The following MAD1L1 variants were observed in gnomAD, a reference collection of about 807,000 sequenced individuals.
MAD1L1 encodes the protein mitotic spindle assembly checkpoint protein MAD1.
A neutral mutation model predicts 96.9 loss-of-function variants in MAD1L1; 95 were observed. The observed-to-expected ratio is 0.98, with a 90% CI of 0.83 to 1.16. MAD1L1 has a LOEUF of 1.16. MAD1L1 is among the 50% of genes most tolerant of loss of function. MAD1L1 has a pLI of 0.00. For missense variants in MAD1L1, 1,007 were observed against 954.4 expected, an observed-to-expected ratio of 1.06 and a Z score of -0.73; for synonymous variants, 473 against 396.6, an observed-to-expected ratio of 1.19 and a Z score of -2.29.
intron 12 of MAD1L1, among the ~76,000 whole-genome samples, chr7:2,025,911 C>T (rs1782976855): frequency 1.3e-5 from 2 of 151,966 alleles, no homozygotes; most frequent in South Asian, 2.1e-4. Flanking sequence ...ATTTATTCTA[C>T]GATTAAGATG....
intron 12 of MAD1L1, among the ~76,000 whole-genome samples, chr7:2,022,037 C>T (rs1052865723): frequency 7.9e-5 from 12 of 152,118 alleles, no homozygotes; most frequent in Non-Finnish European, 1.2e-4. Context: ...CTCACTGCAA[C>T]CTCTACCTCT....
intron 12 of MAD1L1, among the ~76,000 whole-genome samples, chr7:2,021,832 G>A (rs1562615029): frequency 6.6e-6 from 1 of 152,128 alleles, no homozygotes; most frequent in Non-Finnish European, 1.5e-5. Flanking sequence ...GTCATTGGCA[G>A]CCCTGGCCCC....
chr7:2,139,180 C>T (rs1032057221), intron 11 of MAD1L1, among the ~76,000 whole-genome samples: 2 of 152,122 alleles, frequency 1.3e-5, no homozygotes, highest in African/African-American at 4.8e-5. Flanking sequence ...CCCCAGGAAG[C>T]ACCCCACACC....
intron 10 of MAD1L1, among the ~76,000 whole-genome samples, chr7:2,172,813 C>A (rs1584480542): frequency 6.6e-6 from 1 of 152,336 alleles, no homozygotes; most frequent in East Asian, 1.9e-4. Context: ...GCTGGAGCCC[C>A]AGATGGGCTC....
intron 14 of MAD1L1, among the ~76,000 whole-genome samples, chr7:1,987,118 A>C (rs974746089): frequency 1.3e-5 from 2 of 151,908 alleles, no homozygotes; most frequent in African/African-American, 4.8e-5. Flanking sequence ...CCTTCCCCAC[A>C]ATCTGTCCTG....
chr7:2,060,937 G>GA (rs1182292855), intron 12 of MAD1L1, among the ~76,000 whole-genome samples: 1 of 152,126 alleles, frequency 6.6e-6, no homozygotes, highest in Non-Finnish European at 1.5e-5. Flanking sequence ...TTCCGAGAGT[G>GA]AAAAAGCAAA....
chr7:2,069,426 A>G (rs1785025290), intron 11 of MAD1L1, 88 bp from the exon 12 acceptor site: 2 of 1,318,352 alleles, frequency 1.5e-6, no homozygotes, highest in Admixed American at 3.0e-5. Context: ...CGAGCCCACC[A>G]GGACATCCTA....
chr7:1,883,983 C>T (rs1350928230), intron 18 of MAD1L1, among the ~76,000 whole-genome samples: 1 of 152,188 alleles, frequency 6.6e-6, no homozygotes, highest in African/African-American at 2.4e-5. Context: ...GAACCGCAGG[C>T]CCCGCGCTGC....
intron 18 of MAD1L1, among the ~76,000 whole-genome samples, chr7:1,865,014 C>T (rs766965514): frequency 6.6e-6 from 1 of 152,216 alleles, no homozygotes; most frequent in East Asian, 1.9e-4. Flanking sequence ...ACCTACCACG[C>T]CCGCAGCTCA....
intron 11 of MAD1L1, among the ~76,000 whole-genome samples, chr7:2,072,037 G>A (rs892814597): frequency 1.3e-5 from 2 of 152,230 alleles, no homozygotes; most frequent in Admixed American, 1.3e-4. Flanking sequence ...AGACACTCCA[G>A]CAAATTTATC....
intron 18 of MAD1L1, among the ~76,000 whole-genome samples, chr7:1,862,707 C>T (rs954568954): frequency 3.3e-5 from 5 of 152,234 alleles, no homozygotes; most frequent in Admixed American, 1.3e-4. Context: ...TTTAACCCAA[C>T]TTTCCTTATT....
chr7:2,080,175 T>A (rs1477960711), intron 11 of MAD1L1, among the ~76,000 whole-genome samples: 1 of 152,218 alleles, frequency 6.6e-6, no homozygotes. Context: ...CCTATGGTTG[T>A]AAGGAAAGTT....
At chr7:1,864,258 A>G (rs1293344944) in intron 18 of MAD1L1, among the ~76,000 whole-genome samples, 1 of 152,080 alleles carries the variant, frequency 6.6e-6, no homozygotes, top group Non-Finnish European at 1.5e-5. Flanking sequence ...TGAACACCTG[A>G]AGGAGGAGGG....
chr7:1,894,746 A>C (rs915433534), intron 18 of MAD1L1, among the ~76,000 whole-genome samples: 1 of 151,816 alleles, frequency 6.6e-6, no homozygotes, highest in African/African-American at 2.4e-5. Flanking sequence ...AGCTGCTAGC[A>C]GGGCACATCA....
At chr7:2,064,901 C>A (rs1784815862) in intron 12 of MAD1L1, among the ~76,000 whole-genome samples, 1 of 152,104 alleles carries the variant, frequency 6.6e-6, no homozygotes, top group Non-Finnish European at 1.5e-5. Flanking sequence ...ACGGTGGCTG[C>A]TCATGGGAGG....
chr7:2,222,811 A>G, intron 4 of MAD1L1, 57 bp from the exon 5 acceptor site: 3 of 1,392,928 alleles, frequency 2.2e-6, no homozygotes, highest in Non-Finnish European at 2.9e-6. Context: ...GTCAGCGGGG[A>G]GCCCTCACCC....
intron 14 of MAD1L1, among the ~76,000 whole-genome samples, chr7:1,987,499 T>G (rs1396483963): frequency 6.6e-6 from 1 of 151,984 alleles, no homozygotes; most frequent in Non-Finnish European, 1.5e-5. Flanking sequence ...CCCCGGAGTC[T>G]GCTCTGCTGT....
At position 2,158,669 on chromosome 7, in the gene MAD1L1, C is replaced by T. The variant is rs1260447773; in HGVS notation, c.987-9431G>A. Among the ~76,000 whole-genome samples the T allele has an allele frequency of 4.6e-5, 7 of 152,344 alleles. No individual in the cohort carries two copies. In the East Asian group the frequency reaches 7.7e-4, roughly 17 times the overall value. ...CTGCAAAGTCACAAGGGCAACAGGG[C>T]GTCATGTCAGCCGGACTTTTCTGGC... On this transcript the variant is annotated intron_variant, in intron 10 of 18. Transcript: ENST00000265854.
At chr7:2,106,857 G>A (rs778899403) in intron 11 of MAD1L1, among the ~76,000 whole-genome samples, 5 of 152,330 alleles carry the variant, frequency 3.3e-5, no homozygotes, top group South Asian at 2.1e-4. Context: ...AGGAGGACTC[G>A]TGATGGAGAC....
Sources: gnomAD v4.1 joint callset for allele counts (sites outside exome capture counted in the v4.1 genomes callset) on GRCh38, gnomAD v4.1.1 for gene constraint, MANE v1.5 for transcripts, NCBI Gene and HGNC (gene_info 2026-07-23, HGNC 2026-07-21) for gene names.